Variants in LAMA1 observed in about 807,000 individuals in gnomAD.
LAMA1 encodes the protein laminin subunit alpha-1.
In LAMA1, 219 loss-of-function variants were observed where a neutral mutation model predicts 348.7. That is an observed-to-expected ratio of 0.63 (90% CI 0.56 to 0.70). LAMA1 has a LOEUF of 0.70. Among genes scored for constraint, LAMA1 ranks in the 30% least tolerant of loss-of-function variants. LAMA1 has a pLI of 0.00. For missense variants in LAMA1, 3,744 were observed against 3,888.0 expected (o/e 0.96, Z 0.99); for synonymous variants, 1,487 against 1,491.0 (o/e 1.00, Z 0.06).
chr18:7,044,905 TA>T, intron 6 of LAMA1, 66 bp from the exon 7 acceptor site: 1 of 1,193,552 alleles, frequency 8.4e-7, no homozygotes, highest in Middle Eastern at 2.0e-4. Flanking sequence ...AATTTCATGG[TA>T]AAAAGAACCT....
intron 17 of LAMA1, among the ~76,000 whole-genome samples, chr18:7,025,316 C>T (rs79779623): frequency 0.011 from 1,727 of 152,254 alleles, 32 homozygotes; most frequent in African/African-American, 0.038. Flanking sequence ...CTGCCTAGAA[C>T]GCCCGTCTAT....
chr18:6,957,342 C>CATGAATGA (rs10635570), intron 55 of LAMA1: 10,702 of 153,928 alleles, frequency 0.07, 428 homozygotes, highest in Middle Eastern at 0.092. Context: ...GAGGATGCCT[C>CATGAATGA]ATGAATGAAT....
Position 6,986,363 on chromosome 18 carries a change from G to C in LAMA1, c.5169-16C>G. ...TTCAGCAGCCCTGATAAATATGAAT[G>C]GTTCACATAGTAAGTAAATGAACAA... On this transcript the variant is annotated splice_polypyrimidine_tract_variant and intron_variant, in intron 36 of 62. Transcript: ENST00000389658. 1 of 1,609,186 alleles carries C rather than the reference G, an allele frequency of 6.2e-7. No homozygotes were observed. The highest frequency in any genetic ancestry group is 8.5e-7 in the Non-Finnish European group (1 of 1,175,890).
chr18:7,002,427 T>G, intron 29 of LAMA1, 42 bp from the exon 30 acceptor site: 1 of 1,607,822 alleles, frequency 6.2e-7, no homozygotes, highest in Non-Finnish European at 8.5e-7. Context: ...AAATGGGAAA[T>G]TGTTAGAAAT....
intron 1 of LAMA1, among the ~76,000 whole-genome samples, chr18:7,099,067 C>A (rs2058279699): frequency 6.6e-6 from 1 of 151,796 alleles, no homozygotes; most frequent in Non-Finnish European, 1.5e-5. Context: ...CGGATGGTTG[C>A]CGTGTCTGTG....
chr18:7,073,591 A>G (rs10083952), intron 3 of LAMA1, among the ~76,000 whole-genome samples: 45,810 of 152,018 alleles, frequency 0.3, 8,293 homozygotes, highest in South Asian at 0.48. Flanking sequence ...TCAAAATTTC[A>G]TTCCTTTTTA....
chr18:7,023,552 T>G (rs1167427075), intron 18 of LAMA1, among the ~76,000 whole-genome samples, 177 bp from the exon 19 acceptor site: 1 of 152,060 alleles, frequency 6.6e-6, no homozygotes, highest in African/African-American at 2.4e-5. Flanking sequence ...CCTGTCGCGG[T>G]GAAGGGGGAG....
intron 3 of LAMA1, among the ~76,000 whole-genome samples, chr18:7,065,250 A>AAAAAC (rs1467543523): frequency 2.8e-4 from 42 of 149,958 alleles, no homozygotes; most frequent in African/African-American, 1.0e-3. Context: ...AAAAAAAAAA[A>AAAAAC]AAACAACGAC....
chr18:7,079,921 A>G, intron 3 of LAMA1, 54 bp downstream of exon 3: 1 of 1,259,684 alleles, frequency 7.9e-7, no homozygotes, highest in East Asian at 2.3e-5. Flanking sequence ...GGTCATCAGA[A>G]GACCACAGCT....
intron 29 of LAMA1, among the ~76,000 whole-genome samples, chr18:7,004,402 G>T (rs8095027): frequency 0.022 from 3,274 of 152,168 alleles, 112 homozygotes; most frequent in African/African-American, 0.075. Flanking sequence ...GCCCAGGCTG[G>T]AGTGTAATGG....
intron 3 of LAMA1, among the ~76,000 whole-genome samples, chr18:7,064,990 C>T (rs2058116641): frequency 6.6e-6 from 1 of 152,190 alleles, no homozygotes; most frequent in Admixed American, 6.5e-5. Context: ...AATCCCAGCA[C>T]TTTGGGAGGG....
intron 1 of LAMA1, among the ~76,000 whole-genome samples, chr18:7,098,650 C>A (rs1430333327): frequency 6.7e-6 from 1 of 149,386 alleles, no homozygotes; most frequent in South Asian, 2.1e-4. Context: ...CCTCTCCGAC[C>A]GGCAGCCACC....
At chr18:7,090,985 C>T (rs1170099600) in intron 1 of LAMA1, among the ~76,000 whole-genome samples, 3 of 152,122 alleles carry the variant, frequency 2.0e-5, no homozygotes, top group Non-Finnish European at 4.4e-5. Flanking sequence ...AAGAGAAACA[C>T]ATGGTATGAA....
chr18:7,068,167 G>A (rs2143759579), intron 3 of LAMA1, among the ~76,000 whole-genome samples: 1 of 152,216 alleles, frequency 6.6e-6, no homozygotes, highest in South Asian at 2.1e-4. Context: ...TTGTTTCTCT[G>A]AGCCACGAAG....
At chr18:6,969,476 G>A (rs533756048) in intron 48 of LAMA1, among the ~76,000 whole-genome samples, 1 of 152,158 alleles carries the variant, frequency 6.6e-6, no homozygotes, top group East Asian at 1.9e-4. Flanking sequence ...CAAGAAACAT[G>A]CTTATTTTTT....
Position 6,982,515 on chromosome 18 carries a change from G to A in LAMA1, c.5872C>T (p.Leu1958Phe). Residue 1958 changes from leucine (L) to phenylalanine (F), a missense_variant, in exon 41 of 63, where the codon CTC (leucine) becomes TTC (phenylalanine). Physicochemically the swap from Leu to Phe is conservative, Grantham distance 22. Transcript: ENST00000389658. ...TACTGACCTGGAAGCTTCCTGCTGA[G>A]GTTGTTGCCTTCTTTTAGAAATCTG... ...SSRFLKEGNN[L>F]SRKLPGIALE... The A allele has an allele frequency of 6.2e-7, 1 of 1,614,168 alleles. No individual in the cohort carries two copies. The highest frequency in any genetic ancestry group is 8.5e-7 in the Non-Finnish European group (1 of 1,180,020).
chr18:7,075,882 AGCCGAGATCAC>A (rs2058165752), intron 3 of LAMA1, among the ~76,000 whole-genome samples: 1 of 151,984 alleles, frequency 6.6e-6, no homozygotes, highest in Non-Finnish European at 1.5e-5. Context: ...GGTTGCAGTG[AGCCGAGATCAC>A]GCCAATGCAC....
intron 1 of LAMA1, among the ~76,000 whole-genome samples, chr18:7,114,384 T>C (rs2058347932): frequency 6.6e-6 from 1 of 152,204 alleles, no homozygotes; most frequent in Non-Finnish European, 1.5e-5. Flanking sequence ...AAGTGACAGG[T>C]CTGGCATTTG....
intron 1 of LAMA1, among the ~76,000 whole-genome samples, chr18:7,109,515 G>A (rs899830566): frequency 6.6e-5 from 10 of 152,200 alleles, no homozygotes; most frequent in Admixed American, 2.0e-4. Context: ...GTTGAAACAG[G>A]CCATCACATC....
Sources: allele counts gnomAD v4.1 joint callset (sites outside exome capture counted in the v4.1 genomes callset), GRCh38; gene constraint gnomAD v4.1.1; transcripts MANE v1.5; gene names NCBI Gene and HGNC (gene_info 2026-07-23, HGNC 2026-07-21).